Variants in PKHD1L1 observed in about 807,000 individuals in gnomAD.
PKHD1L1 encodes the protein fibrocystin-L.
A neutral mutation model predicts 462.9 loss-of-function variants in PKHD1L1; 434 were observed. The ratio of observed to expected loss-of-function variants is 0.94; its 90% CI spans 0.87 to 1.02. PKHD1L1 has a LOEUF of 1.02. PKHD1L1 is among the 50% of genes least tolerant of loss of function. PKHD1L1 has a pLI of 0.00. For synonymous variants in PKHD1L1, 1,781 were observed against 1,750.0 expected (o/e 1.02, Z -0.44); for missense variants, 5,202 against 5,096.1 (o/e 1.02, Z -0.63).
At chr8:109,425,279 G>A in intron 24 of PKHD1L1, 47 bp downstream of exon 24, 1 of 1,406,538 alleles carries the variant, frequency 7.1e-7, no homozygotes. Flanking sequence ...ACACACATAT[G>A]TATAACCTTA....
At chr8:109,370,970 CG>C (rs1183609309) in intron 2 of PKHD1L1, among the ~76,000 whole-genome samples, 2 of 152,138 alleles carry the variant, frequency 1.3e-5, no homozygotes, top group Non-Finnish European at 2.9e-5. Flanking sequence ...AATAAACATA[CG>C]TGTGCATGTG....
At chr8:109,433,347 A>C in intron 28 of PKHD1L1, 131 bp downstream of exon 28, 1 of 786,596 alleles carries the variant, frequency 1.3e-6, no homozygotes, top group Non-Finnish European at 2.0e-6. Context: ...CATGATCCCT[A>C]TGGGGTCATG....
At chr8:109,478,104 T>C (rs1024826398) in intron 53 of PKHD1L1, among the ~76,000 whole-genome samples, 14 of 152,168 alleles carry the variant, frequency 9.2e-5, no homozygotes, top group Admixed American at 2.6e-4. Flanking sequence ...TGCTAAAAAC[T>C]AACATTTAGT....
intron 43 of PKHD1L1, 43 bp downstream of exon 43, chr8:109,452,917 T>C: frequency 7.8e-7 from 1 of 1,287,488 alleles, no homozygotes; most frequent in Non-Finnish European, 1.0e-6. Flanking sequence ...GCCTGATAAA[T>C]ATTTCTGTGA....
intron 17 of PKHD1L1, among the ~76,000 whole-genome samples, chr8:109,406,928 T>TAA (rs35094855): frequency 5.4e-5 from 8 of 148,828 alleles, no homozygotes; most frequent in African/African-American, 2.0e-4. Context: ...CCTGCAGTAT[T>TAA]AAAAAAAAAA....
Position 109,465,137 on chromosome 8 carries a change from G to T in PKHD1L1, c.8305G>T (p.Gly2769Cys), listed in dbSNP as rs1586571286. Residue 2769 changes from glycine (G) to cysteine (C), a missense_variant, in exon 49 of 78, where the codon GGT (glycine) becomes TGT (cysteine). Gly to Cys is a radical substitution (Grantham distance 159). Transcript: ENST00000378402. ...TGGAGTTTGTAATGACAGATGTGGG[G>T]GTTGGAGTGCAAAGTTTGTTGACGT... Reference protein sequence around the residue: ...ISGVCNDRCGGWSAKFVDVQY... With the variant: ...ISGVCNDRCGCWSAKFVDVQY... 3 of 1,613,780 alleles carry T rather than the reference G, an allele frequency of 1.9e-6. No individual in the cohort carries two copies. In the East Asian group the frequency reaches 6.7e-5, roughly 36 times the overall value.
Position 109,364,651 on chromosome 8 carries a change from T to TC in PKHD1L1, c.163+15_163+16insC. The TC allele has an allele frequency of 2.3e-6, 3 of 1,329,290 alleles. No homozygotes were observed. Among genetic ancestry groups the TC allele is most frequent in the Non-Finnish European group, 2.0e-6 (2 of 999,074 alleles). 82.3% of individuals were successfully genotyped at this position (1,329,290 alleles called of 1,614,324 possible). On this transcript the variant is annotated intron_variant, in intron 2 of 77. Transcript: ENST00000378402. ...AAGAGGGGAAGGTATCGTTGCTTTTTTTTTTTTTTTTTTGCCAAGGTTGAG... is the reference window on the plus strand; with the variant it reads ...AAGAGGGGAAGGTATCGTTGCTTTTTCTTTTTTTTTTTTTGCCAAGGTTGAG...
chr8:109,521,072 C>T (rs921296407), intron 73 of PKHD1L1, among the ~76,000 whole-genome samples: 4 of 152,136 alleles, frequency 2.6e-5, no homozygotes, highest in African/African-American at 9.7e-5. Flanking sequence ...AGGGAGGAAT[C>T]TGAAAGACTG....
chr8:109,507,648 A>C lies in PKHD1L1; in HGVS notation c.10995-15A>C. The C allele has an allele frequency of 6.3e-7, 1 of 1,596,972 alleles. No individual in the cohort carries two copies. The highest frequency in any genetic ancestry group is 1.1e-5 in the South Asian group (1 of 90,598). ...CTAGAAACAATGAACTGAATAATTC[A>C]ACTTTTCTCCACAGTAAGGTCAATC... On this transcript the variant is annotated splice_polypyrimidine_tract_variant and intron_variant, in intron 68 of 77. Coordinates refer to ENST00000378402, the MANE Select transcript of PKHD1L1 (RefSeq NM_177531.6).
intron 2 of PKHD1L1, among the ~76,000 whole-genome samples, 186 bp downstream of exon 2, chr8:109,364,822 G>T (rs1811152698): frequency 6.6e-6 from 1 of 152,014 alleles, no homozygotes; most frequent in South Asian, 2.1e-4. Context: ...TTATCAACCT[G>T]ATCATCTGAA....
In PKHD1L1 at chr8:109,498,712, G is replaced by A. The variant is rs201640748; in HGVS notation, c.10769G>A (p.Arg3590Gln). The A allele has an allele frequency of 1.2e-4, 198 of 1,613,918 alleles. No homozygotes were observed. The highest frequency in any genetic ancestry group is 2.8e-4 in the African/African-American group (21 of 75,034). Residue 3590 changes from arginine to glutamine, a missense_variant, in exon 67 of 78, where the codon CGA (arginine) becomes CAA (glutamine). This residue lies in a region of PKHD1L1 where 4,497 missense variants were observed against 4,336.8 expected (regional missense o/e 1.04). Transcript: ENST00000378402. Reference sequence around the variant, plus strand: ...GCTTCAGCTCATAACATGGCACCCCGAAAGCCCCATGCAGGAATCATGAGT... The same window carrying A: ...GCTTCAGCTCATAACATGGCACCCCAAAAGCCCCATGCAGGAATCATGAGT... Reference protein sequence around the residue: ...TFASAHNMAPRKPHAGIMSYN... With the variant: ...TFASAHNMAPQKPHAGIMSYN...
At chr8:109,403,988 A>C (rs1231755560) in intron 14 of PKHD1L1, among the ~76,000 whole-genome samples, 2 of 152,148 alleles carry the variant, frequency 1.3e-5, no homozygotes, top group Non-Finnish European at 2.9e-5. Flanking sequence ...TCAGGAATTC[A>C]AAATATAAAG....
At chr8:109,496,812 G>A (rs1195814408) in intron 63 of PKHD1L1, 107 bp from the exon 64 acceptor site, 36 of 1,152,796 alleles carry the variant, frequency 3.1e-5, no homozygotes, top group Non-Finnish European at 4.2e-5. Context: ...TCAGAATTAT[G>A]TATGTAATTT....
At position 109,409,930 on chromosome 8, in the gene PKHD1L1, A is replaced by C. The variant is rs1332262943; in HGVS notation, c.2037A>C (p.Glu679Asp). Reference sequence around the variant, plus strand: ...CACCACAAATTGCAAATTTTGAAGAAGGATTTGTTGTGAAATATTTCAGAG... The same window carrying C: ...CACCACAAATTGCAAATTTTGAAGACGGATTTGTTGTGAAATATTTCAGAG... ...KCPPQIANFEEGFVVKYFRDY... is the reference protein window; with the variant it reads ...KCPPQIANFEDGFVVKYFRDY... The change falls in exon 19 of 78, where the codon GAA becomes GAC. Residue 679 changes from glutamate to aspartate, a missense_variant. Physicochemically the swap from Glu to Asp is conservative, Grantham distance 45. Transcript: ENST00000378402. 6.2e-7 allele frequency: 1 copy of C among 1,607,238 alleles called. No homozygotes were observed. Among genetic ancestry groups the C allele is most frequent in the Non-Finnish European group, 8.5e-7 (1 of 1,177,068 alleles).
At chr8:109,505,451 G>T (rs56379526) in intron 68 of PKHD1L1, among the ~76,000 whole-genome samples, 4 of 152,032 alleles carry the variant, frequency 2.6e-5, no homozygotes, top group African/African-American at 9.7e-5. Context: ...ATTCTAAGCC[G>T]TAGAATAATA....
chr8:109,430,596 T>A (rs1338693592), intron 27 of PKHD1L1, among the ~76,000 whole-genome samples: 2 of 152,190 alleles, frequency 1.3e-5, no homozygotes, highest in Non-Finnish European at 2.9e-5. Flanking sequence ...TGATTATGCT[T>A]TGTGTCTGAG....
intron 2 of PKHD1L1, among the ~76,000 whole-genome samples, chr8:109,377,743 CT>C (rs1369430209): frequency 6.6e-6 from 1 of 151,906 alleles, no homozygotes; most frequent in Non-Finnish European, 1.5e-5. Context: ...GTATAAGTAC[CT>C]TTTTAACATT....
At chr8:109,408,605 C>T (rs1453522104) in intron 18 of PKHD1L1, among the ~76,000 whole-genome samples, 1 of 151,980 alleles carries the variant, frequency 6.6e-6, no homozygotes, top group Non-Finnish European at 1.5e-5. Context: ...GTTTAAATAT[C>T]CTATTATTTT....
intron 27 of PKHD1L1, among the ~76,000 whole-genome samples, chr8:109,432,324 T>C (rs1815156033): frequency 6.6e-6 from 1 of 152,198 alleles, no homozygotes; most frequent in South Asian, 2.1e-4. Context: ...CATGACTTCA[T>C]GTATCATATT....
Sources: gnomAD v4.1 joint callset for allele counts (sites outside exome capture counted in the v4.1 genomes callset) on GRCh38, gnomAD v4.1.1 for gene constraint, gnomAD v4.1.1 regional missense constraint, MANE v1.5 for transcripts, NCBI Gene and HGNC (gene_info 2026-07-23, HGNC 2026-07-21) for gene names.